The following PADI4 variants were observed in gnomAD, a reference collection of about 807,000 sequenced individuals.
PADI4 encodes the protein protein-arginine deiminase type-4.
A neutral mutation model predicts 75.0 loss-of-function variants in PADI4; 62 were observed. That is an observed-to-expected ratio of 0.83 (90% CI 0.67 to 1.02). The LOEUF (loss-of-function observed/expected upper bound fraction) is 1.02. Ranked by LOEUF, PADI4 falls within the 50% of genes least tolerant of loss-of-function variation. PADI4 has a pLI of 0.00. For synonymous variants in PADI4, 361 were observed against 348.1 expected (o/e 1.04, Z -0.41); for missense variants, 845 against 850.5 (o/e 0.99, Z 0.08).
intron 5 of PADI4, among the ~76,000 whole-genome samples, chr1:17,339,089 A>G (rs148957042): frequency 2.8e-4 from 43 of 152,292 alleles, no homozygotes; most frequent in Non-Finnish European, 5.7e-4. Flanking sequence ...CTTAGTGATG[A>G]GGAAACAGAG....
chr1:17,351,609 CA>C (rs56047360), intron 10 of PADI4, among the ~76,000 whole-genome samples: 3,772 of 97,924 alleles, frequency 0.039, 50 homozygotes, highest in African/African-American at 0.067. Context: ...GACCTGGTCT[CA>C]AAAAAAAAAA....
chr1:17,334,410 CT>C, intron 3 of PADI4: 1 of 461,506 alleles, frequency 2.2e-6, no homozygotes, highest in Non-Finnish European at 4.5e-6. Context: ...TCAAGCGATC[CT>C]CCTGCTTCAG....
chr1:17,322,829 T>A (rs947695625), intron 1 of PADI4, among the ~76,000 whole-genome samples: 4 of 152,106 alleles, frequency 2.6e-5, no homozygotes, highest in Admixed American at 1.3e-4. Flanking sequence ...CTTTCTCTTT[T>A]TCTCTCTTTC....
In PADI4 at chr1:17,356,651, AG is replaced by A. The variant is rs1324478483; in HGVS notation, c.1558+197del. ...TTGCTGCCCTGTGGGCTCACAGGCC[AG>A]GGGGAAGTGAGTCAAAAGAACAGCT... On this transcript the variant is annotated intron_variant, in intron 13 of 15. Transcript: ENST00000375448. The surrounding 1 kb of genome is among the most constrained non-coding windows in gnomAD (Gnocchi z 4.1). 6.6e-6 allele frequency among the ~76,000 whole-genome samples: 1 copy of A among 152,152 alleles called. No homozygotes were observed. Among genetic ancestry groups the A allele is most frequent in the African/African-American group, 2.4e-5 (1 of 41,450 alleles).
chr1:17,327,896 C>A (rs1228529759), intron 1 of PADI4, among the ~76,000 whole-genome samples: 1 of 152,098 alleles, frequency 6.6e-6, no homozygotes, highest in Admixed American at 6.6e-5. Flanking sequence ...CCCTATGTGG[C>A]CTTTTCTCTT....
intron 1 of PADI4, among the ~76,000 whole-genome samples, chr1:17,311,002 C>A (rs549099452): frequency 6.6e-6 from 1 of 151,442 alleles, no homozygotes; most frequent in African/African-American, 2.4e-5. Context: ...GAGGCTGAGG[C>A]AGGAGAATCG....
Position 17,341,931 on chromosome 1 carries a change from CCT to C in PADI4, c.653-6_653-5del. On this transcript the variant is annotated splice_polypyrimidine_tract_variant and intron_variant, in intron 6 of 15. Coordinates refer to ENST00000375448, the MANE Select transcript of PADI4 (RefSeq NM_012387.3). ...GGGACGCAGACCTGAGTCTCCCCTG[CCT>C]CTCTCCTAGGGGGCAAACTGTCCTC... 4 of 1,609,538 alleles carry C rather than the reference CCT, an allele frequency of 2.5e-6. No individual in the cohort carries two copies. The highest frequency in any genetic ancestry group is 3.4e-6 in the Non-Finnish European group (4 of 1,176,944).
At chr1:17,341,713 T>C (rs549897118) in intron 6 of PADI4, among the ~76,000 whole-genome samples, 1 of 152,296 alleles carries the variant, frequency 6.6e-6, no homozygotes, top group Admixed American at 6.5e-5. Flanking sequence ...AAGTTTGGAA[T>C]AGCTCAGGCA....
At chr1:17,325,364 T>C (rs1408581354) in intron 1 of PADI4, among the ~76,000 whole-genome samples, 1 of 152,144 alleles carries the variant, frequency 6.6e-6, no homozygotes, top group Non-Finnish European at 1.5e-5. Flanking sequence ...ATTACATCAG[T>C]TTTTTAAAAA....
At chr1:17,321,408 G>T (rs561603288) in intron 1 of PADI4, among the ~76,000 whole-genome samples, 60 of 152,338 alleles carry the variant, frequency 3.9e-4, no homozygotes, top group African/African-American at 1.3e-3. Context: ...CTTGAGTTTG[G>T]GAAAGTGACT....
At chr1:17,350,193 G>A (rs1046852919) in intron 10 of PADI4, among the ~76,000 whole-genome samples, 1 of 128,638 alleles carries the variant, frequency 7.8e-6, no homozygotes, top group African/African-American at 2.5e-5. Context: ...TATGCCTTAC[G>A]CTGTCCATCG....
At chr1:17,333,232 A>T (rs1205007367) in intron 2 of PADI4, among the ~76,000 whole-genome samples, 5 of 152,160 alleles carry the variant, frequency 3.3e-5, no homozygotes, top group African/African-American at 9.6e-5. Context: ...AGAGGCAGTG[A>T]TGGCCGTGGC....
intron 1 of PADI4, among the ~76,000 whole-genome samples, chr1:17,317,689 C>G (rs1036016394): frequency 1.3e-5 from 2 of 152,182 alleles, no homozygotes; most frequent in Non-Finnish European, 2.9e-5. Flanking sequence ...GGTTCTCACA[C>G]TTGAGTGTGT....
intron 1 of PADI4, among the ~76,000 whole-genome samples, chr1:17,311,311 ACCCACCCTGCTTCGCAG>A (rs1356446431): frequency 6.6e-6 from 1 of 151,798 alleles, no homozygotes; most frequent in Non-Finnish European, 1.5e-5. Context: ...CTGACCCTAA[ACCCACCCTGCTTCGCAG>A]CCCACCCTGC....
intron 6 of PADI4, 96 bp downstream of exon 6, chr1:17,339,909 A>G: frequency 2.2e-6 from 3 of 1,361,716 alleles, no homozygotes; most frequent in Non-Finnish European, 3.0e-6. Context: ...AGCACCTACT[A>G]TGTGCCAAGT....
At chr1:17,314,983 G>T (rs183313825) in intron 1 of PADI4, among the ~76,000 whole-genome samples, 4 of 152,330 alleles carry the variant, frequency 2.6e-5, no homozygotes, top group Non-Finnish European at 5.9e-5. Context: ...CCAGGTCAGT[G>T]CCACCCGGGG....
In PADI4 at chr1:17,339,610, C is replaced by A. The variant is rs575531614; in HGVS notation, c.527-78C>A. On this transcript the variant is annotated intron_variant, in intron 5 of 15. Coordinates refer to ENST00000375448, the MANE Select transcript of PADI4 (RefSeq NM_012387.3). ...GGGAGCGGTGGGGTGTGAGGCTCCA[C>A]CAGGAGGTGAGGTGGCTATGGGAAA... 7.3e-5 allele frequency: 112 copies of A among 1,540,956 alleles called. No homozygotes were observed. The African/African-American group carries it at 1.3e-3, about 17-fold the overall frequency.
chr1:17,357,028 G>A (rs184264309), intron 13 of PADI4, among the ~76,000 whole-genome samples: 103 of 152,262 alleles, frequency 6.8e-4, no homozygotes, highest in Admixed American at 1.3e-3. Flanking sequence ...ATCAGGAGAG[G>A]GCTGACCTGT....
At chr1:17,316,710 T>TAAAC (rs61557754) in intron 1 of PADI4, among the ~76,000 whole-genome samples, 81 of 141,160 alleles carry the variant, frequency 5.7e-4, no homozygotes, top group Non-Finnish European at 1.0e-3. Flanking sequence ...AATAAATAAA[T>TAAAC]TAATTAATTA....
Sources: allele counts gnomAD v4.1 joint callset (sites outside exome capture counted in the v4.1 genomes callset), GRCh38; gene constraint gnomAD v4.1.1; non-coding constraint Gnocchi (gnomAD v3.1); transcripts MANE v1.5; gene names NCBI Gene and HGNC (gene_info 2026-07-23, HGNC 2026-07-21).